FMN1: variants seen among roughly 807,000 people sequenced by gnomAD.
The protein encoded by FMN1 is formin-1.
FMN1 carries 110 observed loss-of-function variants against 132.4 expected under a neutral mutation model. The ratio of observed to expected loss-of-function variants is 0.83; its 90% confidence interval spans 0.71 to 0.97. The LOEUF is 0.97. Among genes scored for constraint, FMN1 ranks in the 50% least tolerant of loss-of-function variants. The pLI is 0.00. For synonymous variants in FMN1, 722 were observed against 651.7 expected, an observed-to-expected ratio of 1.11 and a Z score of -1.64; for missense variants, 1,792 against 1,705.3, an observed-to-expected ratio of 1.05 and a Z score of -0.90.
At chr15:32,958,686 T>C (rs1192790603) in intron 9 of FMN1, among the ~76,000 whole-genome samples, 1 of 152,208 alleles carries the variant, frequency 6.6e-6, no homozygotes, top group Non-Finnish European at 1.5e-5. Flanking sequence ...TTGATCATTC[T>C]GTCCATTACT....
intron 7 of FMN1, among the ~76,000 whole-genome samples, chr15:32,979,981 G>C (rs961508392): frequency 1.3e-5 from 2 of 152,164 alleles, no homozygotes; most frequent in Admixed American, 6.5e-5. Context: ...GCCACTTTGA[G>C]TTTTACCAGG....
chr15:33,011,458 T>G (rs980330343), intron 6 of FMN1, among the ~76,000 whole-genome samples: 7 of 152,000 alleles, frequency 4.6e-5, no homozygotes, highest in Non-Finnish European at 8.8e-5. Context: ...TTGTAAATAT[T>G]TTATAATAAT....
intron 18 of FMN1, among the ~76,000 whole-genome samples, chr15:32,800,491 G>A (rs1386544154): frequency 6.6e-6 from 1 of 152,156 alleles, no homozygotes; most frequent in Non-Finnish European, 1.5e-5. Flanking sequence ...ACACTCTATA[G>A]CATGTAACTT....
intron 10 of FMN1, among the ~76,000 whole-genome samples, chr15:32,915,615 C>T (rs918192880): frequency 6.6e-6 from 1 of 152,218 alleles, no homozygotes; most frequent in African/African-American, 2.4e-5. Context: ...AATTTTACAG[C>T]AAGCCTCAAA....
chr15:33,008,662 AAT>A (rs1191294466), intron 6 of FMN1, among the ~76,000 whole-genome samples: 2 of 152,218 alleles, frequency 1.3e-5, no homozygotes, highest in Non-Finnish European at 2.9e-5. Flanking sequence ...GTCCAATTTT[AAT>A]ATGAGTCTAA....
intron 4 of FMN1, among the ~76,000 whole-genome samples, chr15:33,098,571 G>T (rs1381561896): frequency 6.6e-6 from 1 of 152,206 alleles, no homozygotes. Context: ...TTCAAATCCA[G>T]TATTCTTACA....
intron 17 of FMN1, among the ~76,000 whole-genome samples, chr15:32,827,573 G>A (rs529867515): frequency 6.6e-6 from 1 of 152,254 alleles, no homozygotes; most frequent in South Asian, 2.1e-4. Context: ...CATACAGGCC[G>A]GACGCGGTGG....
At chr15:33,112,672 G>T (rs961781787) in intron 4 of FMN1, among the ~76,000 whole-genome samples, 3 of 152,106 alleles carry the variant, frequency 2.0e-5, no homozygotes, top group African/African-American at 7.2e-5. Flanking sequence ...TGTACATCTG[G>T]TGTATTTTTT....
At chr15:33,152,370 A>G (rs531501374) in intron 4 of FMN1, among the ~76,000 whole-genome samples, 1 of 152,218 alleles carries the variant, frequency 6.6e-6, no homozygotes, top group African/African-American at 2.4e-5. Flanking sequence ...GTAACAACCC[A>G]TAAGTAAAAG....
intron 16 of FMN1, among the ~76,000 whole-genome samples, chr15:32,884,175 CCAGA>C (rs1325429244): frequency 2.6e-5 from 4 of 152,092 alleles, no homozygotes; most frequent in African/African-American, 7.2e-5. Context: ...GCTTAAAACA[CCAGA>C]AATATATCAC....
intron 2 of FMN1, among the ~76,000 whole-genome samples, chr15:33,193,059 C>T (rs1025240507): frequency 6.6e-6 from 1 of 152,186 alleles, no homozygotes; most frequent in Non-Finnish European, 1.5e-5. Context: ...CATTGTTTCC[C>T]TCCATTGAGG....
intron 5 of FMN1, among the ~76,000 whole-genome samples, chr15:33,076,891 A>G (rs2038234021): frequency 6.6e-6 from 1 of 152,254 alleles, no homozygotes; most frequent in South Asian, 2.1e-4. Context: ...GAAAGGTCAC[A>G]AATGAATCCT....
intron 17 of FMN1, among the ~76,000 whole-genome samples, chr15:32,807,500 C>CCGTT (rs2057722686): frequency 6.6e-6 from 1 of 152,218 alleles, no homozygotes; most frequent in Non-Finnish European, 1.5e-5. Context: ...CATAGCCAAA[C>CCGTT]AGGAGGAAAA....
At chr15:33,102,635 G>A (rs1396751233) in intron 4 of FMN1, among the ~76,000 whole-genome samples, 1 of 152,034 alleles carries the variant, frequency 6.6e-6, no homozygotes, top group African/African-American at 2.4e-5. Flanking sequence ...CACAATGGCA[G>A]GAAAAGCCCA....
At chr15:32,995,662 T>C (rs553779047) in intron 7 of FMN1, among the ~76,000 whole-genome samples, 38 of 152,324 alleles carry the variant, frequency 2.5e-4, no homozygotes, top group African/African-American at 7.0e-4. Flanking sequence ...ACGTGCTCAA[T>C]TGGTGTTTAC....
At chr15:32,900,583 T>C (rs917765748) in intron 13 of FMN1, among the ~76,000 whole-genome samples, 2 of 152,196 alleles carry the variant, frequency 1.3e-5, no homozygotes, top group Admixed American at 6.5e-5. Context: ...AAGAAGTATG[T>C]TCTTCTTTAT....
intron 3 of FMN1, among the ~76,000 whole-genome samples, chr15:33,170,871 T>TA (rs1190922572): frequency 1.3e-5 from 2 of 152,138 alleles, no homozygotes; most frequent in Non-Finnish European, 2.9e-5. Context: ...CCAATCCCAC[T>TA]ACTAGGTATT....
At chr15:33,019,039 C>T (rs757982436) in intron 6 of FMN1, among the ~76,000 whole-genome samples, 6 of 152,178 alleles carry the variant, frequency 3.9e-5, no homozygotes, top group African/African-American at 1.4e-4. Flanking sequence ...GGAAGAGGAC[C>T]TGAGCGGGTT....
At chr15:33,047,599 C>G (rs141651938) in intron 6 of FMN1, among the ~76,000 whole-genome samples, 2,354 of 152,254 alleles carry the variant, frequency 0.015, 49 homozygotes, top group South Asian at 0.088. Flanking sequence ...GCAAATAGAT[C>G]CCTCTCGAAA....
Sources: allele counts gnomAD v4.1 joint callset (sites outside exome capture counted in the v4.1 genomes callset), GRCh38; gene constraint gnomAD v4.1.1; transcripts MANE v1.5; gene names NCBI Gene and HGNC (gene_info 2026-07-23, HGNC 2026-07-21).